The following CHST9 variants were observed in gnomAD, a reference collection of about 807,000 sequenced individuals.
CHST9 encodes carbohydrate sulfotransferase 9, also known as GalNAc-4-sulfotransferase 2.
CHST9 carries 41 observed loss-of-function variants against 44.4 expected under a neutral mutation model. The ratio of observed to expected loss-of-function variants is 0.92; its 90% confidence interval spans 0.72 to 1.20. The LOEUF (loss-of-function observed/expected upper bound fraction) is 1.20. Among genes scored for constraint, CHST9 ranks in the 50% most tolerant of loss-of-function variants. The pLI, the probability that CHST9 is intolerant of heterozygous loss-of-function variation, is 0.00. For synonymous variants in CHST9, 171 were observed against 178.4 expected, an observed-to-expected ratio of 0.96 and a Z score of 0.33; for missense variants, 504 against 516.5, an observed-to-expected ratio of 0.98 and a Z score of 0.23.
At chr18:27,105,310 G>T (rs1032413496) in intron 2 of CHST9, among the ~76,000 whole-genome samples, 5 of 152,054 alleles carry the variant, frequency 3.3e-5, no homozygotes, top group Admixed American at 2.0e-4. Context: ...TTAAAGAAAA[G>T]AAAGCAATAA....
At chr18:27,144,862 C>T (rs746497156) in intron 1 of CHST9, among the ~76,000 whole-genome samples, 11 of 151,946 alleles carry the variant, frequency 7.2e-5, no homozygotes, top group Non-Finnish European at 1.6e-4. Flanking sequence ...CCTGTCAACC[C>T]TGCGTTTCTA....
intron 4 of CHST9, among the ~76,000 whole-genome samples, chr18:26,972,043 G>A (rs1785536): frequency 0.35 from 52,635 of 151,522 alleles, 9,647 homozygotes; most frequent in East Asian, 0.46. Flanking sequence ...GGTGTGGAGG[G>A]GAATGGGGTT....
chr18:27,032,590 C>T (rs1044127563), intron 3 of CHST9, among the ~76,000 whole-genome samples: 1 of 152,156 alleles, frequency 6.6e-6, no homozygotes, highest in African/African-American at 2.4e-5. Context: ...GAACAACGCA[C>T]CTCAGGGTTT....
intron 1 of CHST9, among the ~76,000 whole-genome samples, chr18:27,155,103 A>AT (rs1178571489): frequency 7.0e-6 from 1 of 143,648 alleles, no homozygotes; most frequent in Non-Finnish European, 1.6e-5. Flanking sequence ...AAAAAAAAAA[A>AT]AAAGAAGTAA....
intron 1 of CHST9, among the ~76,000 whole-genome samples, chr18:27,160,173 T>G (rs575021714): frequency 6.6e-6 from 1 of 152,298 alleles, no homozygotes; most frequent in African/African-American, 2.4e-5. Flanking sequence ...AGAGAGGGCA[T>G]CCCTGTCTTG....
At chr18:26,948,316 C>A (rs2056195020) in intron 4 of CHST9, among the ~76,000 whole-genome samples, 1 of 152,048 alleles carries the variant, frequency 6.6e-6, no homozygotes, top group Non-Finnish European at 1.5e-5. Context: ...TTGATGGGTG[C>A]AGCAAACCAC....
chr18:26,992,398 C>A (rs2056828986), intron 4 of CHST9, among the ~76,000 whole-genome samples: 1 of 152,198 alleles, frequency 6.6e-6, no homozygotes, highest in Middle Eastern at 3.4e-3. Flanking sequence ...ACCACTGAAG[C>A]TCCTGAGCCT....
intron 4 of CHST9, among the ~76,000 whole-genome samples, chr18:26,977,805 A>T (rs892430918): frequency 3.3e-5 from 5 of 152,196 alleles, no homozygotes; most frequent in African/African-American, 1.2e-4. Context: ...TCTGACTCTC[A>T]TTCCAAGTGG....
chr18:27,178,024 G>A (rs960006320), intron 1 of CHST9, among the ~76,000 whole-genome samples: 3 of 151,806 alleles, frequency 2.0e-5, no homozygotes, highest in African/African-American at 2.4e-5. Flanking sequence ...CACTATACTC[G>A]CATTAGAAAT....
At chr18:26,929,396 G>C (rs556643469) in intron 5 of CHST9, among the ~76,000 whole-genome samples, 14 of 152,356 alleles carry the variant, frequency 9.2e-5, no homozygotes, top group Admixed American at 9.1e-4. Context: ...ACCTAGTACA[G>C]TACCTGACAT....
chr18:26,917,598 GC>G (rs2055561083), intron 5 of CHST9, among the ~76,000 whole-genome samples: 1 of 152,078 alleles, frequency 6.6e-6, no homozygotes, highest in Admixed American at 6.6e-5. Flanking sequence ...TCCTGGCTTT[GC>G]CTGTAATGCA....
intron 2 of CHST9, 84 bp from the exon 3 acceptor site, chr18:27,048,587 T>C: frequency 8.8e-7 from 1 of 1,135,454 alleles, no homozygotes; most frequent in Non-Finnish European, 1.3e-6. Flanking sequence ...TTTACAGCAA[T>C]TTCCAAACAC....
At chr18:26,956,179 G>A (rs1461259157) in intron 4 of CHST9, among the ~76,000 whole-genome samples, 2 of 151,248 alleles carry the variant, frequency 1.3e-5, no homozygotes, top group Non-Finnish European at 2.9e-5. Flanking sequence ...GGGTGTGGTG[G>A]CGCACACCTG....
chr18:26,972,288 C>T (rs574321785), intron 4 of CHST9, among the ~76,000 whole-genome samples: 10 of 128,002 alleles, frequency 7.8e-5, no homozygotes, highest in African/African-American at 3.0e-4. Flanking sequence ...ACCTGGGAGG[C>T]GGAGGTTGTA....
intron 4 of CHST9, among the ~76,000 whole-genome samples, chr18:26,981,204 G>A (rs2056687754): frequency 6.6e-6 from 1 of 152,046 alleles, no homozygotes; most frequent in East Asian, 1.9e-4. Flanking sequence ...AAAAGATATT[G>A]GTAAGAAAGA....
intron 2 of CHST9, among the ~76,000 whole-genome samples, chr18:27,073,092 A>T (rs907259920): frequency 1.3e-5 from 2 of 152,152 alleles, no homozygotes; most frequent in African/African-American, 4.8e-5. Flanking sequence ...CTAATTGGCA[A>T]TGGGAATTTT....
intron 2 of CHST9, among the ~76,000 whole-genome samples, chr18:27,100,105 C>T (rs2058156612): frequency 6.6e-6 from 1 of 151,968 alleles, no homozygotes; most frequent in Non-Finnish European, 1.5e-5. Flanking sequence ...ATGTTCTTTA[C>T]AGTAACACGA....
chr18:26,995,868 T>C (rs187238867), intron 4 of CHST9, among the ~76,000 whole-genome samples: 7 of 152,372 alleles, frequency 4.6e-5, no homozygotes, highest in Admixed American at 3.3e-4. Flanking sequence ...TTTCGTTCTA[T>C]AATAATTTAG....
chr18:27,087,901 G>C (rs569991739), intron 2 of CHST9, among the ~76,000 whole-genome samples: 6 of 152,116 alleles, frequency 3.9e-5, no homozygotes, highest in Non-Finnish European at 7.4e-5. Context: ...GTGTGTTAAT[G>C]AGCAATCTCC....
Sources: gnomAD v4.1 joint callset for allele counts (sites outside exome capture counted in the v4.1 genomes callset) on GRCh38, gnomAD v4.1.1 for gene constraint, MANE v1.5 for transcripts, NCBI Gene and HGNC (gene_info 2026-07-23, HGNC 2026-07-21) for gene names.